Variants in ZSWIM8 observed in about 807,000 individuals in gnomAD.
The protein encoded by ZSWIM8 is zinc finger SWIM-type containing 8.
A neutral mutation model predicts 173.7 loss-of-function variants in ZSWIM8; 27 were observed. The observed-to-expected ratio is 0.16, with a 90% CI of 0.11 to 0.21. The LOEUF is 0.21. Ranked by LOEUF, ZSWIM8 falls within the 10% of genes least tolerant of loss-of-function variation. The pLI is 1.00. For synonymous variants in ZSWIM8, 958 were observed against 962.0 expected (o/e 1.00, Z 0.08); for missense variants, 1,627 against 2,428.8 (o/e 0.67, Z 6.94).
Position 73,799,205 on chromosome 10 carries a change from T to A in ZSWIM8, c.4380T>A (p.Gly1460=), listed in dbSNP as rs1357242815. Residue 1460 remains glycine, a synonymous_variant, in exon 21 of 26, where the codon GGT becomes GGA. Transcript: ENST00000604729. ...GGGCAGGTGGGGAAGCTGGGCGGGGTATGCCTGAGGGTAGAGGGGGCCCAG... is the reference window on the plus strand; with the variant it reads ...GGGCAGGTGGGGAAGCTGGGCGGGGAATGCCTGAGGGTAGAGGGGGCCCAG... ...GIRAGGEAGR[G]MPEGRGGPGT... is the part of the protein sequence containing the mutation. The A allele has an allele frequency of 1.2e-6, 2 of 1,607,490 alleles. No homozygotes were observed. Among genetic ancestry groups the A allele is most frequent in the South Asian group, 2.2e-5 (2 of 90,270 alleles).
At chr10:73,793,561 C>G in intron 10 of ZSWIM8, 27 bp from the exon 11 acceptor site, 1 of 1,542,630 alleles carries the variant, frequency 6.5e-7, no homozygotes, top group Non-Finnish European at 8.7e-7. Flanking sequence ...GGACTTTAAC[C>G]TGTCTGGTCC....
In ZSWIM8 at chr10:73,799,289, C is replaced by T. The variant is rs373791095; in HGVS notation, c.4464C>T (p.Pro1488=). 57 of 1,601,926 alleles carry T rather than the reference C, an allele frequency of 3.6e-5. No individual in the cohort carries two copies. In the Middle Eastern group the frequency reaches 6.6e-4, roughly 19 times the overall value. ...AAVTAAATVV[P]VISVGSSLYP... ...TGACAGCAGCAGCCACAGTGGTGCCCGTCATATCGGTGGGGTCTAGTTTAT... is the reference window on the plus strand; with the variant it reads ...TGACAGCAGCAGCCACAGTGGTGCCTGTCATATCGGTGGGGTCTAGTTTAT... The change falls in exon 21 of 26, where the codon CCC becomes CCT. Residue 1488 remains proline (P), a synonymous_variant. Coordinates refer to ENST00000604729, the MANE Select transcript of ZSWIM8 (RefSeq NM_001367799.1).
chr10:73,793,817 G>T lies in ZSWIM8; in HGVS notation c.2446-48G>T. On this transcript the variant is annotated intron_variant, in intron 11 of 25. Coordinates refer to ENST00000604729, the MANE Select transcript of ZSWIM8 (RefSeq NM_001367799.1). Reference sequence around the variant, plus strand: ...GAGAGCATCCTTCTACCTCCACCAAGGTAAGTCAGAATCATCTGCCTGTCT... The same window carrying T: ...GAGAGCATCCTTCTACCTCCACCAATGTAAGTCAGAATCATCTGCCTGTCT... The T allele has an allele frequency of 1.9e-6, 3 of 1,559,320 alleles. No homozygotes were observed. In the South Asian group the frequency reaches 3.5e-5, roughly 18 times the overall value.
At chr10:73,799,724 A>T in intron 21 of ZSWIM8, 1 of 662,380 alleles carries the variant, frequency 1.5e-6, no homozygotes, top group Admixed American at 2.8e-5. Context: ...TGAGGTCAGG[A>T]GTTCGAGACC....
At position 73,799,324 on chromosome 10, in the gene ZSWIM8, C is replaced by T. The variant is rs761527358; in HGVS notation, c.4499C>T (p.Pro1500Leu). The T allele has an allele frequency of 1.2e-6, 2 of 1,609,352 alleles. No homozygotes were observed. Among genetic ancestry groups the T allele is most frequent in the Non-Finnish European group, 1.7e-6 (2 of 1,178,004 alleles). Residue 1500 changes from proline to leucine, a missense_variant, in exon 21 of 26, where the codon CCA becomes CTA. Around this residue, in one of 18 missense-constraint regions of ZSWIM8, gnomAD observed 275 missense variants for 290.1 expected, o/e 0.95. Coordinates refer to ENST00000604729, the MANE Select transcript of ZSWIM8 (RefSeq NM_001367799.1). ...GTGGGGTCTAGTTTATACCCGGGTC[C>T]AGGACTGGGGCATGGCCACTCCCCT... ...ISVGSSLYPG[P>L]GLGHGHSPGL...
chr10:73,797,024 G>A lies in ZSWIM8; in HGVS notation c.3274+10G>A, dbSNP rs754229375. On this transcript the variant is annotated intron_variant, in intron 16 of 25. Coordinates refer to ENST00000604729, the MANE Select transcript of ZSWIM8 (RefSeq NM_001367799.1). This position sits in a 1 kb window ranked among gnomAD's most constrained non-coding sequence, Gnocchi z 5.6. ...GAGAAGAATGTGCCTGGTGAGGTGG[G>A]GGCACTGGGCAGGGGGGATGAATGG... 42 of 1,609,240 alleles carry A rather than the reference G, an allele frequency of 2.6e-5. No homozygotes were observed. The highest frequency in any genetic ancestry group is 3.6e-5 in the Non-Finnish European group (42 of 1,176,724).
At chr10:73,795,421 T>C (rs2083594435) in intron 14 of ZSWIM8, 118 bp from the exon 15 acceptor site, 3 of 1,492,782 alleles carry the variant, frequency 2.0e-6, no homozygotes, top group Non-Finnish European at 2.7e-6. Context: ...GTGATGTGGG[T>C]TGGACCAAGG....
rs1363059248 is a variant in ZSWIM8 at position 73,790,247 on chromosome 10, A to G, written c.896A>G (p.Lys299Arg). Residue 299 changes from lysine (K) to arginine (R), a missense_variant, in exon 7 of 26, where the codon AAA (lysine) becomes AGA (arginine). By Grantham distance (26) the Lys-to-Arg change is conservative (BLOSUM62 2). Coordinates refer to ENST00000604729, the MANE Select transcript of ZSWIM8 (RefSeq NM_001367799.1). ...GAATCGACACTCACTGACAACATCA[A>G]AAAGACACTGCACAAGTTCTGTGGC... is the stretch of plus-strand genomic sequence containing the variant. ...LDESTLTDNI[K>R]KTLHKFCGPS... 1 of 1,613,718 alleles carries G rather than the reference A, an allele frequency of 6.2e-7. No individual in the cohort carries two copies. The highest frequency in any genetic ancestry group is 2.2e-5 in the East Asian group (1 of 44,888).
Position 73,791,550 on chromosome 10 carries a change from A to AGCTGG in ZSWIM8, c.1319+51_1319+52insGCTGG. ...AGAACTGAGCCTGGGCCAGCTCAGG[A>AGCTGG]CAGACTGAGCCTTCATCTCCTTGTT... On this transcript the variant is annotated intron_variant, in intron 9 of 25. Coordinates refer to ENST00000604729, the MANE Select transcript of ZSWIM8 (RefSeq NM_001367799.1). The surrounding 1 kb of genome is among the most constrained non-coding windows in gnomAD (Gnocchi z 6.0). 6.7e-7 allele frequency: 1 copy of AGCTGG among 1,497,216 alleles called. No homozygotes were observed. The highest frequency in any genetic ancestry group is 9.0e-7 in the Non-Finnish European group (1 of 1,114,836). The allele number at this position is 1,497,216 out of a possible 1,614,324, so 92.7% of individuals were successfully genotyped here. A position where few individuals can be genotyped will look rare whatever the true frequency, so the allele number is the denominator to read the frequency against.
chr10:73,799,004 C>T lies in ZSWIM8; in HGVS notation c.4179C>T (p.Asp1393=). The T allele has an allele frequency of 6.2e-7, 1 of 1,606,044 alleles. No homozygotes were observed. The highest frequency in any genetic ancestry group is 1.1e-5 in the South Asian group (1 of 89,986). ...CACTCTGTGCCCCTCTCTTCCAGGACAACCTGATGTTGGAGAAGGCCTGCA... is the reference window on the plus strand; with the variant it reads ...CACTCTGTGCCCCTCTCTTCCAGGATAACCTGATGTTGGAGAAGGCCTGCA... ...QRALVQCKEQ[D]NLMLEKACMA... Residue 1393 remains aspartate (D), a splice_region_variant and synonymous_variant, in exon 21 of 26, where the codon GAC becomes GAT. Transcript: ENST00000604729.
In ZSWIM8 at chr10:73,797,020, G is replaced by A. The variant is rs777480289; in HGVS notation, c.3274+6G>A. 1 of 1,609,742 alleles carries A rather than the reference G, an allele frequency of 6.2e-7. No individual in the cohort carries two copies. The highest frequency in any genetic ancestry group is 8.5e-7 in the Non-Finnish European group (1 of 1,176,916). Reference sequence around the variant, plus strand: ...CACAGAGAAGAATGTGCCTGGTGAGGTGGGGGCACTGGGCAGGGGGGATGA... The same window carrying A: ...CACAGAGAAGAATGTGCCTGGTGAGATGGGGGCACTGGGCAGGGGGGATGA... On this transcript the variant is annotated splice_donor_region_variant and intron_variant, in intron 16 of 25. Coordinates refer to ENST00000604729, the MANE Select transcript of ZSWIM8 (RefSeq NM_001367799.1). This position sits in a 1 kb window ranked among gnomAD's most constrained non-coding sequence, Gnocchi z 5.6.
At chr10:73,796,284 G>C in intron 15 of ZSWIM8, 1 of 286,606 alleles carries the variant, frequency 3.5e-6, no homozygotes, top group South Asian at 2.7e-5. Flanking sequence ...AGGAGTTTGA[G>C]GCTACAGTGA....
intron 19 of ZSWIM8, 51 bp from the exon 20 acceptor site, chr10:73,798,179 C>G: frequency 6.2e-7 from 1 of 1,604,672 alleles, no homozygotes; most frequent in Non-Finnish European, 8.5e-7. Context: ...TTCTCACACC[C>G]CAGTGGTGCC....
At position 73,788,819 on chromosome 10, in the gene ZSWIM8, A is replaced by G; in HGVS notation, c.358A>G (p.Ile120Val). 6.2e-7 allele frequency: 1 copy of G among 1,613,570 alleles called. No individual in the cohort carries two copies. Among genetic ancestry groups the G allele is most frequent in the Non-Finnish European group, 8.5e-7 (1 of 1,179,862 alleles). The change falls in exon 2 of 26, where the codon ATT (isoleucine) becomes GTT (valine). Residue 120 changes from isoleucine to valine, a missense_variant. Physicochemically the swap from Ile to Val is conservative, Grantham distance 29. Around this residue, in one of 18 missense-constraint regions of ZSWIM8, gnomAD observed 29 missense variants for 108.2 expected, o/e 0.27. Coordinates refer to ENST00000604729, the MANE Select transcript of ZSWIM8 (RefSeq NM_001367799.1). ...FWSFPENEEDIRLYSCLANGS... is the reference protein window; with the variant it reads ...FWSFPENEEDVRLYSCLANGS... ...GAGCTTCCCTGAGAATGAAGAGGAC[A>G]TTCGGTGAGGCCAAAGGACTGATGG...
In ZSWIM8 at chr10:73,795,645, C is replaced by G. The variant is rs375635948; in HGVS notation, c.3015C>G (p.Asp1005Glu). Residue 1005 changes from aspartate (D) to glutamate (E), a missense_variant, in exon 15 of 26, where the codon GAC (aspartate) becomes GAG (glutamate). This residue lies in a region of ZSWIM8 where 163 missense variants were observed against 193.2 expected (regional missense o/e 0.84). Coordinates refer to ENST00000604729, the MANE Select transcript of ZSWIM8 (RefSeq NM_001367799.1). ...ALALMITYKD[D>E]QAKLKKILDK... ...CACTAATGATCACTTACAAGGACGA[C>G]CAGGCCAAGCTTAAGAAGGTAAGAG... 1.7e-5 allele frequency: 28 copies of G among 1,613,206 alleles called. No individual in the cohort carries two copies. Among genetic ancestry groups the G allele is most frequent in the Non-Finnish European group, 2.4e-5 (28 of 1,179,830 alleles).
At position 73,791,622 on chromosome 10, in the gene ZSWIM8, G is replaced by A. The variant is rs1589563214; in HGVS notation, c.1319+123G>A. 6 of 1,213,004 alleles carry A rather than the reference G, an allele frequency of 4.9e-6. No individual in the cohort carries two copies. The East Asian group carries it at 1.3e-4, about 26-fold the overall frequency. 75.1% of individuals were successfully genotyped at this position (1,213,004 alleles called of 1,614,324 possible). On this transcript the variant is annotated intron_variant, in intron 9 of 25. Coordinates refer to ENST00000604729, the MANE Select transcript of ZSWIM8 (RefSeq NM_001367799.1). This position sits in a 1 kb window ranked among gnomAD's most constrained non-coding sequence, Gnocchi z 6.0. ...TAGTCCTCGGGAAACGGGAGGTGCTGAGCACTGGTGTTAGCAGTGATTTAC... is the reference window on the plus strand; with the variant it reads ...TAGTCCTCGGGAAACGGGAGGTGCTAAGCACTGGTGTTAGCAGTGATTTAC...
intron 1 of ZSWIM8, among the ~76,000 whole-genome samples, chr10:73,788,290 A>G: frequency 6.6e-6 from 1 of 152,044 alleles, no homozygotes; most frequent in Non-Finnish European, 1.5e-5. Flanking sequence ...GAGGAGAGAC[A>G]TTAACCATGT....
Position 73,797,933 on chromosome 10 carries a change from CAG to C in ZSWIM8, c.3816_3817del (p.Gly1274ProfsTer69), listed in dbSNP as rs779171507. On this transcript the variant is annotated frameshift_variant, in exon 19 of 26. Transcript: ENST00000604729. LOFTEE classifies it high-confidence loss of function. The surrounding 1 kb of genome is among the most constrained non-coding windows in gnomAD (Gnocchi z 5.6). ...TCCATTTTCACACATCCATCTTCCT[CAG>C]GGGGCCACCAGGGTCCTCACCGCAA... 2 of 1,614,028 alleles carry C rather than the reference CAG, an allele frequency of 1.2e-6. No individual in the cohort carries two copies. Among genetic ancestry groups the C allele is most frequent in the South Asian group, 1.1e-5 (1 of 91,084 alleles).
rs750139080 is a variant in ZSWIM8, at chr10:73,791,791, G to A, written c.1320-68G>A. 2.8e-6 allele frequency: 4 copies of A among 1,453,976 alleles called. No individual in the cohort carries two copies. The highest frequency in any genetic ancestry group is 5.2e-5 in the Admixed American group (2 of 38,138). The allele number at this position is 1,453,976 out of a possible 1,614,324, so 90.1% of individuals were successfully genotyped here. On this transcript the variant is annotated intron_variant, in intron 9 of 25. Transcript: ENST00000604729. This position sits in a 1 kb window ranked among gnomAD's most constrained non-coding sequence, Gnocchi z 6.0. ...CTTTCCCCATGCCTCTCTTTGGGGT[G>A]TACACCTACTCCATGCCCATCCTTT... is the stretch of plus-strand genomic sequence containing the variant.
Sources: gnomAD v4.1 joint callset for allele counts (sites outside exome capture counted in the v4.1 genomes callset) on GRCh38, gnomAD v4.1.1 for gene constraint, gnomAD v4.1.1 regional missense constraint, Gnocchi (gnomAD v3.1) non-coding constraint, MANE v1.5 for transcripts, NCBI Gene and HGNC (gene_info 2026-07-23, HGNC 2026-07-21) for gene names.